FNBP1: variants seen among roughly 807,000 people sequenced by gnomAD.
FNBP1 encodes the protein formin-binding protein 1.
FNBP1 carries 26 observed loss-of-function variants against 90.6 expected under a neutral mutation model. The observed-to-expected ratio is 0.29, with a 90% confidence interval of 0.21 to 0.40. The LOEUF (loss-of-function observed/expected upper bound fraction) is 0.40, where lower values mean the gene tolerates loss of function less well. Among genes scored for constraint, FNBP1 ranks in the 10% least tolerant of loss-of-function variants. The pLI is 1.00. For missense variants in FNBP1, 635 were observed against 768.0 expected, an observed-to-expected ratio of 0.83 and a Z score of 2.05; for synonymous variants, 260 against 265.2, an observed-to-expected ratio of 0.98 and a Z score of 0.19.
chr9:130,026,806 A>G (rs1250960026), intron 1 of FNBP1, among the ~76,000 whole-genome samples: 4 of 151,846 alleles, frequency 2.6e-5, no homozygotes, highest in Non-Finnish European at 5.9e-5. Flanking sequence ...ACAAAAAACA[A>G]AACACAAAAA....
chr9:130,009,725 C>T (rs934790820), intron 1 of FNBP1, among the ~76,000 whole-genome samples: 7 of 152,072 alleles, frequency 4.6e-5, no homozygotes, highest in Non-Finnish European at 5.9e-5. Context: ...TTGCTTGAAC[C>T]CGGGAGGTGG....
intron 1 of FNBP1, among the ~76,000 whole-genome samples, chr9:130,034,415 T>C (rs1305020284): frequency 6.6e-6 from 1 of 151,160 alleles, no homozygotes; most frequent in Non-Finnish European, 1.5e-5. Flanking sequence ...CCCAGGAGAT[T>C]GAGGCTGCAG....
At chr9:130,044,847 G>A (rs1564649922), upstream of FNBP1, 1 of 152,244 alleles carries the variant, frequency 6.6e-6, no homozygotes, top group Admixed American at 6.6e-5. Context: ...TGAGGCAAGA[G>A]AATCGCTTGA....
chr9:129,893,637 A>AAAAAAAAAAAAAAAAAACAAAG (rs56397008), intron 16 of FNBP1, among the ~76,000 whole-genome samples: 1 of 62,246 alleles, frequency 1.6e-5, no homozygotes, highest in Non-Finnish European at 2.6e-5. Context: ...AAAAAAAAAA[A>AAAAAAAAAAAAAAAAAACAAAG]GCCAGGCACG....
intron 1 of FNBP1, among the ~76,000 whole-genome samples, chr9:129,998,672 T>A (rs2054375369): frequency 6.6e-6 from 1 of 152,156 alleles, no homozygotes. Flanking sequence ...GACTACAGAT[T>A]TCCCCCCACC....
intron 11 of FNBP1, among the ~76,000 whole-genome samples, 194 bp downstream of exon 11, chr9:129,915,772 A>T (rs1425473480): frequency 6.6e-6 from 1 of 152,240 alleles, no homozygotes; most frequent in Non-Finnish European, 1.5e-5. Context: ...ACTTGAAAAG[A>T]TTAAGATCAC....
At chr9:129,940,017 A>G (rs569955482) in intron 6 of FNBP1, among the ~76,000 whole-genome samples, 1 of 152,196 alleles carries the variant, frequency 6.6e-6, no homozygotes, top group Admixed American at 6.5e-5. Context: ...CCTAGGTAAC[A>G]TAGTGAGACT....
intron 1 of FNBP1, among the ~76,000 whole-genome samples, chr9:130,033,490 T>C (rs752547606): frequency 2.6e-5 from 4 of 152,146 alleles, no homozygotes; most frequent in Admixed American, 6.5e-5. Context: ...TCTTCTGCTA[T>C]AGATAATAGA....
At chr9:129,903,300 C>T (rs6478923) in intron 12 of FNBP1, among the ~76,000 whole-genome samples, 85,879 of 151,918 alleles carry the variant, frequency 0.57, 24,572 homozygotes, top group East Asian at 0.78. Flanking sequence ...GATCTGCCTG[C>T]CTCAGCCTCC....
chr9:130,011,266 ATAAAAT>A (rs2056566816), intron 1 of FNBP1, among the ~76,000 whole-genome samples: 1 of 54,226 alleles, frequency 1.8e-5, no homozygotes, highest in Non-Finnish European at 3.4e-5. Context: ...ATATATATAT[ATAAAAT>A]ATATATAACA....
intron 5 of FNBP1, among the ~76,000 whole-genome samples, chr9:129,958,018 T>C (rs1588873961): frequency 6.6e-6 from 1 of 152,356 alleles, no homozygotes; most frequent in Admixed American, 6.5e-5. Flanking sequence ...AGATAATGGT[T>C]CTAGAAACAA....
In FNBP1 at chr9:129,888,870, G is replaced by A. The variant is rs1015462602; in HGVS notation, c.*1669C>T. On this transcript the variant is annotated 3_prime_UTR_variant, in exon 17 of 17. Transcript: ENST00000446176. ...GTCCCTGTCCCTTTGGCTTCTATAG[G>A]ACTTCCTTGTCTTAGATTCATAAAC... The A allele has an allele frequency of 8.6e-6, 2 of 232,332 alleles. No individual in the cohort carries two copies. Among genetic ancestry groups the A allele is most frequent in the Middle Eastern group, 1.2e-3 (1 of 802 alleles). The allele number at this position is 232,332 out of a possible 1,614,324, so 14.4% of individuals were successfully genotyped here.
intron 10 of FNBP1, among the ~76,000 whole-genome samples, chr9:129,922,541 T>C (rs1307735417): frequency 6.6e-6 from 1 of 152,176 alleles, no homozygotes; most frequent in Non-Finnish European, 1.5e-5. Context: ...CTGGGCTTCA[T>C]AGGGTGGCTG....
chr9:129,965,708 G>GCGCGCGCGCACA, intron 4 of FNBP1, among the ~76,000 whole-genome samples: 1 of 145,446 alleles, frequency 6.9e-6, no homozygotes, highest in Non-Finnish European at 1.5e-5. Flanking sequence ...GCGCGCGCGC[G>GCGCGCGCGCACA]CACACACACA....
chr9:130,012,461 T>A (rs112160947), intron 1 of FNBP1, among the ~76,000 whole-genome samples: 109 of 152,232 alleles, frequency 7.2e-4, no homozygotes, highest in African/African-American at 2.6e-3. Flanking sequence ...CGGGGATAAT[T>A]GCATATCTAT....
chr9:129,990,136 T>C (rs1274713978), intron 2 of FNBP1, among the ~76,000 whole-genome samples: 4 of 152,196 alleles, frequency 2.6e-5, no homozygotes, highest in Non-Finnish European at 5.9e-5. Flanking sequence ...ATGCATATGT[T>C]AATTAGCCTG....
At position 129,915,980 on chromosome 9, in the gene FNBP1, G is replaced by A. The variant is rs368231369; in HGVS notation, c.1171C>T (p.Leu391Phe). 8 of 1,608,026 alleles carry A rather than the reference G, an allele frequency of 5.0e-6. No individual in the cohort carries two copies. The highest frequency in any genetic ancestry group is 6.8e-6 in the Non-Finnish European group (8 of 1,175,310). The change falls in exon 11 of 17, where the codon CTT (leucine) becomes TTT (phenylalanine). Residue 391 changes from leucine (L) to phenylalanine (F), a missense_variant and splice_region_variant. Physicochemically the swap from Leu to Phe is conservative, Grantham distance 22. Transcript: ENST00000446176. ...IHCFRSLKRG[L>F]SLKLGATPED... ...ATTGTGCTTACCAGCTTGAGAGAAA[G>A]CTTCATGTAAAAATTGGAGAGGTAT...
At chr9:130,015,909 A>C (rs1488531995) in intron 1 of FNBP1, among the ~76,000 whole-genome samples, 1 of 152,194 alleles carries the variant, frequency 6.6e-6, no homozygotes, top group Non-Finnish European at 1.5e-5. Flanking sequence ...TCCTGGGCTC[A>C]AGCAATGCAC....
intron 6 of FNBP1, among the ~76,000 whole-genome samples, chr9:129,956,867 A>G (rs528861663): frequency 6.6e-6 from 1 of 152,238 alleles, no homozygotes; most frequent in African/African-American, 2.4e-5. Flanking sequence ...TCAAATTCTA[A>G]CACCGAAGAT....
Sources: gnomAD v4.1 joint callset for allele counts (sites outside exome capture counted in the v4.1 genomes callset) on GRCh38, gnomAD v4.1.1 for gene constraint, MANE v1.5 for transcripts, NCBI Gene and HGNC (gene_info 2026-07-23, HGNC 2026-07-21) for gene names.